The following VPS37A variants were observed in gnomAD, a reference collection of about 807,000 sequenced individuals.
The protein encoded by VPS37A is vacuolar protein sorting-associated protein 37A.
VPS37A carries 30 observed loss-of-function variants against 49.8 expected under a neutral mutation model. That is an observed-to-expected ratio of 0.60 (90% CI 0.45 to 0.82). The LOEUF is 0.82. VPS37A is among the 40% of genes least tolerant of loss of function. The pLI, the probability that VPS37A is intolerant of heterozygous loss-of-function variation, is 0.00. For missense variants in VPS37A, 593 were observed against 464.4 expected, an observed-to-expected ratio of 1.28 and a Z score of -2.55; for synonymous variants, 195 against 160.6, an observed-to-expected ratio of 1.21 and a Z score of -1.62.
chr8:17,277,701 T>G (rs1476965061), intron 6 of VPS37A, among the ~76,000 whole-genome samples: 2 of 152,108 alleles, frequency 1.3e-5, no homozygotes, highest in Non-Finnish European at 2.9e-5. Flanking sequence ...TGGTAATTCT[T>G]TAATATTACC....
At chr8:17,283,752 T>A (rs1314235355) in intron 9 of VPS37A, among the ~76,000 whole-genome samples, 1 of 152,224 alleles carries the variant, frequency 6.6e-6, no homozygotes. Context: ...TGTAACTTTG[T>A]TAGTAACTTG....
At chr8:17,310,949 G>A in the VPS37A span, among the ~76,000 whole-genome samples, 3 of 152,112 alleles carry the variant, frequency 2.0e-5, no homozygotes, top group African/African-American at 7.2e-5. Context: ...CGTTACATTT[G>A]ATGCCCACCT....
At chr8:17,306,438 C>G (rs1459676331), downstream of VPS37A, among the ~76,000 whole-genome samples, 1 of 151,750 alleles carries the variant, frequency 6.6e-6, no homozygotes, top group African/African-American at 2.4e-5. Flanking sequence ...ATTCCCATTC[C>G]TAAAGCGGTT....
At chr8:17,279,903 A>T in intron 6 of VPS37A, 125 bp from the exon 7 acceptor site, 1 of 1,156,096 alleles carries the variant, frequency 8.6e-7, no homozygotes, top group Non-Finnish European at 1.3e-6. Context: ...TGGCAGCCTT[A>T]GGTGTATATG....
chr8:17,312,767 T>C, the VPS37A span, among the ~76,000 whole-genome samples: 1 of 152,108 alleles, frequency 6.6e-6, no homozygotes, highest in Non-Finnish European at 1.5e-5. Context: ...TCAGGGAAGA[T>C]ATGGTTCTCT....
chr8:17,309,144 A>G, the VPS37A span: 1 of 645,130 alleles, frequency 1.6e-6, no homozygotes, highest in Non-Finnish European at 2.7e-6. Flanking sequence ...GACATATACA[A>G]CAAAATTTAA....
downstream of VPS37A, among the ~76,000 whole-genome samples, chr8:17,303,175 A>G (rs1563313530): frequency 6.6e-6 from 1 of 152,194 alleles, no homozygotes. Flanking sequence ...TGCCCAGAAC[A>G]GTGTTTGATC....
intron 6 of VPS37A, among the ~76,000 whole-genome samples, chr8:17,277,014 C>T (rs1490190883): frequency 6.6e-6 from 1 of 152,072 alleles, no homozygotes; most frequent in East Asian, 1.9e-4. Flanking sequence ...TTGGGAAGCA[C>T]TGCACCCTTT....
intron 4 of VPS37A, among the ~76,000 whole-genome samples, chr8:17,272,772 A>G (rs1814115873): frequency 6.6e-6 from 1 of 152,160 alleles, no homozygotes; most frequent in Non-Finnish European, 1.5e-5. Flanking sequence ...TGATTAGAAA[A>G]CTTAATTTTT....
At chr8:17,313,136 T>C in the VPS37A span, among the ~76,000 whole-genome samples, 758 of 152,266 alleles carry the variant, frequency 5.0e-3, 8 homozygotes, top group African/African-American at 0.017. Context: ...CGCAAAATCA[T>C]ATCTTCAGCG....
At chr8:17,323,173 C>G in the VPS37A span, among the ~76,000 whole-genome samples, 2 of 151,874 alleles carry the variant, frequency 1.3e-5, no homozygotes, top group African/African-American at 4.8e-5. Flanking sequence ...TCTCAAACTC[C>G]TGACCTCAGG....
At position 17,297,256 on chromosome 8, in the gene VPS37A, T is replaced by C. The variant is rs145827019; in HGVS notation, c.*2270T>C. 2 of 152,216 alleles carry C rather than the reference T, an allele frequency of 1.3e-5. No individual in the cohort carries two copies. Among genetic ancestry groups the C allele is most frequent in the Non-Finnish European group, 2.9e-5 (2 of 67,964 alleles). 9.4% of individuals were successfully genotyped at this position (152,216 alleles called of 1,614,324 possible). The stretch of plus-strand genomic sequence containing the variant: ...AGATTTAAAGGTTAATATCTTAAAA[T>C]AGAAGAAAATTCTAAATCAATCAAT... On this transcript the variant is annotated 3_prime_UTR_variant, in exon 12 of 12. Coordinates refer to ENST00000324849, the MANE Select transcript of VPS37A (RefSeq NM_152415.3).
At chr8:17,268,405 T>C in intron 3 of VPS37A, 33 bp downstream of exon 3, 1 of 1,438,476 alleles carries the variant, frequency 7.0e-7, no homozygotes, top group South Asian at 1.2e-5. Context: ...TTCAGGGTAA[T>C]ATAATAGGTG....
chr8:17,320,248 C>T, the VPS37A span, among the ~76,000 whole-genome samples: 128 of 152,126 alleles, frequency 8.4e-4, no homozygotes, highest in Non-Finnish European at 1.0e-3. Flanking sequence ...CTTCTATGCA[C>T]AGTATTGACT....
chr8:17,311,595 AGAACAGT>A, the VPS37A span: 1 of 1,614,150 alleles, frequency 6.2e-7, no homozygotes, highest in Non-Finnish European at 8.5e-7. Context: ...CCCAGCCATC[AGAACAGT>A]GAACAAGCAC....
Position 17,282,745 on chromosome 8 carries a change from G to GAC in VPS37A, c.970-1708_970-1707dup, listed in dbSNP as rs149421072. 8.8e-3 allele frequency among the ~76,000 whole-genome samples: 1,324 copies of GAC among 149,984 alleles called. 40 individuals are homozygous for GAC. The highest frequency in any genetic ancestry group is 0.054 in the Admixed American group (806 of 15,028). On this transcript the variant is annotated intron_variant, in intron 9 of 11. Transcript: ENST00000324849. ...TGACTCTTCAAACACTTAAAAAAAA[G>GAC]ACACACACACACACACACACAAAAC...
the VPS37A span, among the ~76,000 whole-genome samples, chr8:17,310,624 T>A: frequency 6.6e-6 from 1 of 152,072 alleles, no homozygotes; most frequent in African/African-American, 2.4e-5. Context: ...CACTTTGAGG[T>A]GTCAATGCTA....
intron 6 of VPS37A, among the ~76,000 whole-genome samples, chr8:17,277,255 T>G (rs928678832): frequency 6.6e-6 from 1 of 152,144 alleles, no homozygotes; most frequent in African/African-American, 2.4e-5. Flanking sequence ...TTTATTGTCT[T>G]CTGTAATAAA....
chr8:17,275,107 A>G, intron 5 of VPS37A, 149 bp downstream of exon 5: 1 of 724,976 alleles, frequency 1.4e-6, no homozygotes, highest in Non-Finnish European at 2.2e-6. Context: ...GTAACAGGTA[A>G]CCAACAAATA....
Sources: allele counts gnomAD v4.1 joint callset (sites outside exome capture counted in the v4.1 genomes callset), GRCh38; gene constraint gnomAD v4.1.1; transcripts MANE v1.5; gene names NCBI Gene and HGNC (gene_info 2026-07-23, HGNC 2026-07-21).